AKAP8: variants seen among roughly 807,000 people sequenced by gnomAD.
AKAP8 encodes A-kinase anchor protein 8.
Under a neutral mutation model 67.5 loss-of-function variants are expected in AKAP8, and 24 were observed. That is an observed-to-expected ratio of 0.36 (90% CI 0.26 to 0.50). AKAP8 has a LOEUF of 0.50. Among genes scored for constraint, AKAP8 ranks in the 20% least tolerant of loss-of-function variants. The pLI is 0.97. For synonymous variants in AKAP8, 400 were observed against 371.1 expected, an observed-to-expected ratio of 1.08 and a Z score of -0.90; for missense variants, 971 against 955.9, an observed-to-expected ratio of 1.02 and a Z score of -0.21.
At chr19:15,361,538 G>A in intron 11 of AKAP8, 191 bp downstream of exon 11, 1 of 502,618 alleles carries the variant, frequency 2.0e-6, no homozygotes, top group Non-Finnish European at 3.6e-6. Context: ...TTTTTTAGTA[G>A]AGACGGGGTT....
intron 9 of AKAP8, among the ~76,000 whole-genome samples, chr19:15,366,283 C>A (rs1250452030): frequency 2.6e-5 from 4 of 150,976 alleles, no homozygotes; most frequent in Non-Finnish European, 5.9e-5. Context: ...AGAGAAAGAC[C>A]CCTATCTCTT....
chr19:15,372,215 T>A lies in AKAP8; in HGVS notation c.991+3A>T. ...TCTGGCCCACCTGGCCCCCAGGACA[T>A]ACCATTTTCGGAGAAATCTCCTTCA... is the stretch of plus-strand genomic sequence containing the variant. On this transcript the variant is annotated splice_donor_region_variant and intron_variant, in intron 6 of 13. Coordinates refer to ENST00000269701, the MANE Select transcript of AKAP8 (RefSeq NM_005858.4). 5.6e-6 allele frequency: 9 copies of A among 1,614,144 alleles called. No homozygotes were observed. Among genetic ancestry groups the A allele is most frequent in the Non-Finnish European group, 6.8e-6 (8 of 1,180,018 alleles).
chr19:15,363,932 G>A (rs1337192022), intron 9 of AKAP8, among the ~76,000 whole-genome samples: 2 of 151,620 alleles, frequency 1.3e-5, no homozygotes, highest in East Asian at 3.9e-4. Context: ...TGCAAGATGT[G>A]CTTTGTTAAA....
At chr19:15,370,964 T>C (rs1034694819) in intron 7 of AKAP8, among the ~76,000 whole-genome samples, 4 of 152,148 alleles carry the variant, frequency 2.6e-5, no homozygotes, top group Non-Finnish European at 2.9e-5. Flanking sequence ...CAATCACGTA[T>C]AGATAAAAAC....
chr19:15,376,033 A>C (rs1967246871), intron 2 of AKAP8, among the ~76,000 whole-genome samples: 1 of 151,388 alleles, frequency 6.6e-6, no homozygotes, highest in Admixed American at 6.6e-5. Flanking sequence ...GGGCTCAAGC[A>C]ATCTTCCTAT....
At chr19:15,357,063 A>T (rs1267084284) in intron 13 of AKAP8, among the ~76,000 whole-genome samples, 1 of 151,996 alleles carries the variant, frequency 6.6e-6, no homozygotes, top group Non-Finnish European at 1.5e-5. Context: ...GATTCAAGCA[A>T]TTCACTGCCT....
rs780613844 is a variant in AKAP8 at position 15,362,079 on chromosome 19, G to C, written c.1302+31C>G. The C allele has an allele frequency of 3.1e-6, 5 of 1,611,812 alleles. No homozygotes were observed. In the Admixed American group the frequency reaches 5.0e-5, roughly 16 times the overall value. On this transcript the variant is annotated intron_variant, in intron 10 of 13. Transcript: ENST00000269701. ...TCCGGCACCTGCGGGATGGGCAAGA[G>C]ACGCGGTGACGGGGCCCAGGTTTCC...
chr19:15,354,982 G>T lies in AKAP8; in HGVS notation c.2012C>A (p.Pro671Gln). The T allele has an allele frequency of 1.9e-6, 3 of 1,614,168 alleles. No individual in the cohort carries two copies. The highest frequency in any genetic ancestry group is 2.5e-6 in the Non-Finnish European group (3 of 1,180,046). ...TTCCACTTCAGCATCCGCGGCAGCT[G>T]GGGCAGGAGCAACTCTGGTTTGGGC... ...ESAQTRVAPA[P>Q]AAADAEVEQT... The change falls in exon 14 of 14, where the codon CCA becomes CAA. Residue 671 changes from proline (P) to glutamine (Q), a missense_variant. Pro to Gln is a moderately conservative substitution (Grantham distance 76). This residue lies in a region of AKAP8 where 204 missense variants were observed against 193.0 expected (regional missense o/e 1.06). Transcript: ENST00000269701.
Position 15,354,997 on chromosome 19 carries a change from CTGGTT to C in AKAP8, c.1992_1996del (p.Thr665SerfsTer11). 1 of 1,614,228 alleles carries C rather than the reference CTGGTT, an allele frequency of 6.2e-7. No individual in the cohort carries two copies. Among genetic ancestry groups the C allele is most frequent in the South Asian group, 1.1e-5 (1 of 91,090 alleles). On this transcript the variant is annotated frameshift_variant, in exon 14 of 14. Transcript: ENST00000269701. LOFTEE classifies it low-confidence loss of function (END_TRUNC). ...CGCGGCAGCTGGGGCAGGAGCAACT[CTGGTT>C]TGGGCACTTTCTGCCTCTGCTGCCA...
At chr19:15,360,479 C>T (rs145883081) in intron 12 of AKAP8, among the ~76,000 whole-genome samples, 2 of 152,172 alleles carry the variant, frequency 1.3e-5, no homozygotes, top group Admixed American at 6.5e-5. Context: ...CAACATTTAG[C>T]CTGAAGCCCC....
intron 1 of AKAP8, 88 bp downstream of exon 1, chr19:15,379,625 A>C: frequency 6.7e-7 from 1 of 1,483,162 alleles, no homozygotes; most frequent in South Asian, 1.2e-5. Flanking sequence ...CTCGGGACGA[A>C]GGCCCGGCCG....
chr19:15,359,371 C>A (rs533543303), intron 12 of AKAP8, among the ~76,000 whole-genome samples: 8 of 152,196 alleles, frequency 5.3e-5, no homozygotes, highest in Non-Finnish European at 8.8e-5. Context: ...AGGAAAAGGA[C>A]AAGCTCTTTC....
chr19:15,373,752 G>C, intron 4 of AKAP8, 34 bp downstream of exon 4: 1 of 1,579,718 alleles, frequency 6.3e-7, no homozygotes, highest in Non-Finnish European at 8.6e-7. Context: ...GGGGATGTGT[G>C]GGGTCCCGGG....
intron 13 of AKAP8, among the ~76,000 whole-genome samples, chr19:15,355,969 C>G (rs971013959): frequency 1.3e-5 from 2 of 152,038 alleles, no homozygotes; most frequent in Non-Finnish European, 2.9e-5. Context: ...CTCCAGACCT[C>G]AGGTGATCCG....
intron 7 of AKAP8, among the ~76,000 whole-genome samples, chr19:15,371,270 G>A (rs992769906): frequency 7.9e-5 from 12 of 152,038 alleles, no homozygotes; most frequent in Admixed American, 3.9e-4. Flanking sequence ...GGGTGGTCCC[G>A]GCTATGAACT....
intron 4 of AKAP8, 59 bp from the exon 5 acceptor site, chr19:15,373,399 C>T: frequency 6.5e-7 from 1 of 1,537,338 alleles, no homozygotes; most frequent in Non-Finnish European, 8.8e-7. Context: ...TGCCACACTC[C>T]CTCAGTATAA....
intron 1 of AKAP8, among the ~76,000 whole-genome samples, chr19:15,378,362 C>T (rs944908023): frequency 6.6e-6 from 1 of 152,164 alleles, no homozygotes; most frequent in African/African-American, 2.4e-5. Context: ...CCTTAAAACG[C>T]TCCCGGAAAC....
rs537609742 is a variant in AKAP8 at position 15,375,918 on chromosome 19, G to A, written c.58+1058C>T. ...CTCCCAAAATGCTGGGATTACAGGC[G>A]TGAGCCACCGTGCCTGGCCTTTTTT... On this transcript the variant is annotated intron_variant, in intron 2 of 13. Transcript: ENST00000269701. Among the ~76,000 whole-genome samples the A allele has an allele frequency of 8.6e-5, 13 of 151,676 alleles. No individual in the cohort carries two copies. In the East Asian group the frequency reaches 9.8e-4, roughly 11 times the overall value.
chr19:15,372,269 G>T lies in AKAP8; in HGVS notation c.940C>A (p.Pro314Thr). The T allele has an allele frequency of 6.2e-7, 1 of 1,614,154 alleles. No individual in the cohort carries two copies. Among genetic ancestry groups the T allele is most frequent in the Non-Finnish European group, 8.5e-7 (1 of 1,180,036 alleles). Reference sequence around the variant, plus strand: ...TCAACCCGGGCCAGTTTGGTGTCTGGCTCCTCGTAAAGTTGGAACTGCTTC... The same window carrying T: ...TCAACCCGGGCCAGTTTGGTGTCTGTCTCCTCGTAAAGTTGGAACTGCTTC... ...KRKQFQLYEEPDTKLARVDSE... is the reference protein window; with the variant it reads ...KRKQFQLYEETDTKLARVDSE... Residue 314 changes from proline (P) to threonine (T), a missense_variant, in exon 6 of 14, where the codon CCA becomes ACA. Pro to Thr is a conservative substitution (Grantham distance 38). Around this residue, in one of 3 missense-constraint regions of AKAP8, gnomAD observed 763 missense variants for 745.4 expected, o/e 1.02. Coordinates refer to ENST00000269701, the MANE Select transcript of AKAP8 (RefSeq NM_005858.4).
Sources: gnomAD v4.1 joint callset for allele counts (sites outside exome capture counted in the v4.1 genomes callset) on GRCh38, gnomAD v4.1.1 for gene constraint, gnomAD v4.1.1 regional missense constraint, MANE v1.5 for transcripts, NCBI Gene and HGNC (gene_info 2026-07-23, HGNC 2026-07-21) for gene names.